Variants in FCHO2 observed in about 807,000 individuals in gnomAD.
The protein encoded by FCHO2 is F-BAR domain only protein 2.
A neutral mutation model predicts 114.1 loss-of-function variants in FCHO2; 43 were observed. The observed-to-expected ratio is 0.38, with a 90% CI of 0.30 to 0.49. FCHO2 has a LOEUF of 0.49. FCHO2 is among the 20% of genes least tolerant of loss of function. The pLI is 0.97. For missense variants in FCHO2, 807 were observed against 950.4 expected (o/e 0.85, Z 1.98); for synonymous variants, 293 against 315.2 (o/e 0.93, Z 0.75).
At chr5:73,047,748 T>TA (rs1757124963) in intron 11 of FCHO2, among the ~76,000 whole-genome samples, 1 of 152,198 alleles carries the variant, frequency 6.6e-6, no homozygotes, top group African/African-American at 2.4e-5. Context: ...CTAGACTACT[T>TA]ATAATACCTA....
chr5:73,011,282 C>A (rs983644416), intron 6 of FCHO2, among the ~76,000 whole-genome samples: 1 of 152,120 alleles, frequency 6.6e-6, no homozygotes, highest in East Asian at 1.9e-4. Flanking sequence ...AAATTGTTTT[C>A]TTCCTTCAAT....
At chr5:73,000,545 G>C (rs772824413) in intron 5 of FCHO2, among the ~76,000 whole-genome samples, 1 of 150,626 alleles carries the variant, frequency 6.6e-6, no homozygotes, top group Non-Finnish European at 1.5e-5. Flanking sequence ...GGAGGCCAAA[G>C]CGGGCGGATC....
chr5:73,085,487 A>G (rs1312852795), intron 24 of FCHO2, among the ~76,000 whole-genome samples: 3 of 151,936 alleles, frequency 2.0e-5, no homozygotes, highest in African/African-American at 7.3e-5. Context: ...TGAAAAGAAT[A>G]TCCAAGGCCA....
intron 7 of FCHO2, among the ~76,000 whole-genome samples, chr5:73,016,787 C>G (rs954489057): frequency 1.3e-5 from 2 of 151,978 alleles, no homozygotes; most frequent in Non-Finnish European, 2.9e-5. Context: ...GTCCCAGCTA[C>G]TTGGGAGGCT....
At chr5:73,025,788 G>T (rs1336343305) in intron 8 of FCHO2, among the ~76,000 whole-genome samples, 1 of 152,138 alleles carries the variant, frequency 6.6e-6, no homozygotes, top group Non-Finnish European at 1.5e-5. Flanking sequence ...ACAAAATTTT[G>T]CTTGTGATTG....
In FCHO2 at chr5:73,052,495, C is replaced by T. The variant is rs1289564732; in HGVS notation, c.1161C>T (p.Ser387=). ...LKVSIGNITL[S]PAISRHSPVQ... is the part of the protein sequence containing the mutation. ...TATCTATAGGGAATATAACACTCTC[C>T]CCAGCAATATCTGTAAGTACAAACA... is the stretch of plus-strand genomic sequence containing the variant. The change falls in exon 13 of 26, where the codon TCC becomes TCT. Residue 387 remains serine, a synonymous_variant. Transcript: ENST00000430046. 9 of 1,588,582 alleles carry T rather than the reference C, an allele frequency of 5.7e-6. No individual in the cohort carries two copies. The highest frequency in any genetic ancestry group is 1.3e-5 in the African/African-American group (1 of 74,470).
intron 9 of FCHO2, 149 bp downstream of exon 9, chr5:73,034,850 C>A (rs111843375): frequency 2.8e-5 from 14 of 495,298 alleles, no homozygotes; most frequent in African/African-American, 2.2e-4. Context: ...GTTTGAAGGC[C>A]TGCAGATGCT....
rs1408949242 is a variant in FCHO2, at chr5:72,990,799, A to G, written c.430A>G (p.Asn144Asp). ...CCTCCAGAAATCCAAGGAAAATTAC[A>G]ATGCCAAGTGTGTAGAACAGGAGCG... The part of the protein sequence containing the change: ...QALQKSKENY[N>D]AKCVEQERLK... Residue 144 changes from asparagine (N) to aspartate (D), a missense_variant, in exon 5 of 26, where the codon AAT becomes GAT. By Grantham distance (23) the Asn-to-Asp change is conservative (BLOSUM62 1). Coordinates refer to ENST00000430046, the MANE Select transcript of FCHO2 (RefSeq NM_138782.3). 1.3e-6 allele frequency: 2 copies of G among 1,552,940 alleles called. No homozygotes were observed. The highest frequency in any genetic ancestry group is 1.4e-5 in the African/African-American group (1 of 73,078).
At chr5:72,987,680 C>A (rs188382230) in intron 2 of FCHO2, among the ~76,000 whole-genome samples, 3 of 152,258 alleles carry the variant, frequency 2.0e-5, no homozygotes, top group East Asian at 3.9e-4. Flanking sequence ...AACTTCTTTA[C>A]CTTGCTGTTA....
At chr5:72,974,995 TGA>T (rs771517025) in intron 2 of FCHO2, among the ~76,000 whole-genome samples, 6 of 152,176 alleles carry the variant, frequency 3.9e-5, no homozygotes, top group Non-Finnish European at 8.8e-5. Context: ...AATTCGGGGT[TGA>T]AAATTCTTTT....
intron 6 of FCHO2, among the ~76,000 whole-genome samples, chr5:73,011,531 A>G (rs183861319): frequency 2.0e-5 from 3 of 152,224 alleles, no homozygotes; most frequent in East Asian, 3.9e-4. Flanking sequence ...ACATGTGCCT[A>G]CATAGGCTTA....
intron 2 of FCHO2, among the ~76,000 whole-genome samples, chr5:72,980,191 A>C (rs1463678804): frequency 3.9e-5 from 6 of 152,018 alleles, no homozygotes; most frequent in Non-Finnish European, 8.8e-5. Context: ...TTCTGCCTTC[A>C]TTTCGTTATG....
At chr5:73,087,823 C>T (rs899016275) in intron 25 of FCHO2, 70 bp downstream of exon 25, 296 of 1,510,108 alleles carry the variant, frequency 2.0e-4, no homozygotes, top group Non-Finnish European at 2.0e-4. Context: ...TATTAAAAAA[C>T]TGTCAAGCAA....
intron 8 of FCHO2, among the ~76,000 whole-genome samples, chr5:73,017,785 T>C (rs764505477): frequency 2.6e-4 from 39 of 152,140 alleles, no homozygotes; most frequent in Non-Finnish European, 5.3e-4. Flanking sequence ...TTAACAAATA[T>C]ATTTATTGAG....
chr5:73,067,137 G>A (rs1001263108), intron 18 of FCHO2, among the ~76,000 whole-genome samples: 7 of 151,878 alleles, frequency 4.6e-5, no homozygotes, highest in African/African-American at 1.5e-4. Flanking sequence ...CACATTTCAC[G>A]TGCTATTGGC....
intron 24 of FCHO2, among the ~76,000 whole-genome samples, chr5:73,084,544 G>A (rs763729832): frequency 1.3e-5 from 2 of 152,218 alleles, no homozygotes; most frequent in African/African-American, 2.4e-5. Context: ...GGGATTACAG[G>A]CATGAGCCAC....
At position 73,054,570 on chromosome 5, in the gene FCHO2, G is replaced by T. The variant is rs779534950; in HGVS notation, c.1210+21G>T. 8 of 1,517,962 alleles carry T rather than the reference G, an allele frequency of 5.3e-6. No individual in the cohort carries two copies. The South Asian group carries it at 7.4e-5, about 14-fold the overall frequency. The allele number at this position is 1,517,962 out of a possible 1,614,324, so 94.0% of individuals were successfully genotyped here. A position where few individuals can be genotyped will look rare whatever the true frequency, so the allele number is the denominator to read the frequency against. ...GTCTAGTAAGTTTGACATTTGAATT[G>T]TTTATTTTATGTCTATTAAAATTTA... is the stretch of plus-strand genomic sequence containing the variant. On this transcript the variant is annotated intron_variant, in intron 15 of 25. Coordinates refer to ENST00000430046, the MANE Select transcript of FCHO2 (RefSeq NM_138782.3).
At chr5:72,984,780 G>T (rs1753413871) in intron 2 of FCHO2, among the ~76,000 whole-genome samples, 1 of 152,022 alleles carries the variant, frequency 6.6e-6, no homozygotes, top group Non-Finnish European at 1.5e-5. Flanking sequence ...CTATAGGGAT[G>T]CACCACCATG....
intron 11 of FCHO2, among the ~76,000 whole-genome samples, chr5:73,049,746 G>A (rs1395947047): frequency 6.6e-6 from 1 of 152,034 alleles, no homozygotes; most frequent in Non-Finnish European, 1.5e-5. Flanking sequence ...TAATTTCTGA[G>A]TTATAATATT....
Sources: allele counts gnomAD v4.1 joint callset (sites outside exome capture counted in the v4.1 genomes callset), GRCh38; gene constraint gnomAD v4.1.1; transcripts MANE v1.5; gene names NCBI Gene and HGNC (gene_info 2026-07-23, HGNC 2026-07-21).